The following RTL4 variants were observed in gnomAD, a reference collection of about 807,000 sequenced individuals.
RTL4 encodes retrotransposon Gag like 4, also known as retrotransposon Gag-like protein 4.
A neutral mutation model predicts 5.3 loss-of-function variants in RTL4; 4 were observed. The ratio of observed to expected loss-of-function variants is 0.75; its 90% CI spans 0.37 to 1.72. The LOEUF (loss-of-function observed/expected upper bound fraction) is 1.72. Among genes scored for constraint, RTL4 ranks in the 40% most tolerant of loss-of-function variants. The pLI is 0.04. For synonymous variants in RTL4, 98 were observed against 87.3 expected (o/e 1.12, Z -0.68); for missense variants, 260 against 227.1 (o/e 1.14, Z -0.93).
the RTL4 span, among the ~76,000 whole-genome samples, chrX:112,110,539 A>T: frequency 9.0e-6 from 1 of 111,715 alleles, no homozygotes; most frequent in Admixed American, 9.5e-5. Context: ...AGAACTTAGG[A>T]TAATACATGT....
At chrX:112,181,458 G>A in the RTL4 span, among the ~76,000 whole-genome samples, 1 of 111,865 alleles carries the variant, frequency 8.9e-6, no homozygotes, top group African/African-American at 3.2e-5. Context: ...CAGCACAGCA[G>A]TCTGAAGTCA....
chrX:112,303,657 A>T, the RTL4 span, among the ~76,000 whole-genome samples: 1 of 94,387 alleles, frequency 1.1e-5, no homozygotes, highest in Admixed American at 1.2e-4. Flanking sequence ...ACCTAATGCT[A>T]AATGATGAGT....
At chrX:112,141,347 CAT>C in the RTL4 span, among the ~76,000 whole-genome samples, 1 of 111,796 alleles carries the variant, frequency 8.9e-6, no homozygotes, top group Non-Finnish European at 1.9e-5. Flanking sequence ...ATATTTTCTA[CAT>C]GTTATCCACA....
At chrX:112,329,415 T>C in the RTL4 span, among the ~76,000 whole-genome samples, 1 of 111,109 alleles carries the variant, frequency 9.0e-6, no homozygotes. Flanking sequence ...CTAGAAGAAA[T>C]GGATAAATTC....
At chrX:112,279,403 A>G in the RTL4 span, among the ~76,000 whole-genome samples, 1 of 111,938 alleles carries the variant, frequency 8.9e-6, no homozygotes. Flanking sequence ...AAAACAAAAG[A>G]AAATGGAGCC....
At chrX:112,179,497 T>C in the RTL4 span, among the ~76,000 whole-genome samples, 4 of 112,151 alleles carry the variant, frequency 3.6e-5, no homozygotes, top group East Asian at 1.1e-3. Context: ...GTATGTCAGG[T>C]AGGACAAGCC....
chrX:112,329,494 C>A, the RTL4 span, among the ~76,000 whole-genome samples: 7 of 110,894 alleles, frequency 6.3e-5, no homozygotes, highest in East Asian at 5.7e-4. Context: ...CAATAACAGG[C>A]TCTGAAATTG....
At chrX:112,249,322 T>A in the RTL4 span, among the ~76,000 whole-genome samples, 171 of 111,749 alleles carry the variant, frequency 1.5e-3, no homozygotes, top group African/African-American at 5.0e-3. Context: ...ACCTTATTCT[T>A]CCATCTGACC....
the RTL4 span, among the ~76,000 whole-genome samples, chrX:112,237,877 G>A: frequency 1.8e-5 from 2 of 111,957 alleles, no homozygotes; most frequent in African/African-American, 3.2e-5. Context: ...CAGTGAGGTT[G>A]AGACATGAGG....
the RTL4 span, among the ~76,000 whole-genome samples, chrX:112,391,450 C>CT: frequency 2.7e-5 from 3 of 111,172 alleles, no homozygotes; most frequent in African/African-American, 9.8e-5. Context: ...GTGGGTGCTC[C>CT]TTTAACTGCA....
At chrX:112,182,542 C>A in the RTL4 span, among the ~76,000 whole-genome samples, 1 of 111,557 alleles carries the variant, frequency 9.0e-6, no homozygotes, top group Non-Finnish European at 1.9e-5. Context: ...GAACCCAAAT[C>A]AATCAAGTGG....
At chrX:112,179,966 C>G in the RTL4 span, among the ~76,000 whole-genome samples, 1 of 111,160 alleles carries the variant, frequency 9.0e-6, no homozygotes, top group Admixed American at 9.6e-5. Context: ...CTTGAATCCA[C>G]AGGTATTGAT....
the RTL4 span, among the ~76,000 whole-genome samples, chrX:112,367,675 T>G: frequency 4.5e-5 from 5 of 111,825 alleles, no homozygotes; most frequent in Non-Finnish European, 9.4e-5. Context: ...GCACTGGGGA[T>G]CCTATGGTAA....
the RTL4 span, among the ~76,000 whole-genome samples, chrX:112,155,342 C>T: frequency 9.0e-6 from 1 of 110,585 alleles, no homozygotes; most frequent in Admixed American, 9.8e-5. Flanking sequence ...TTATTGCTGT[C>T]TTAGGCAATT....
At chrX:112,103,754 TATTA>T in the RTL4 span, among the ~76,000 whole-genome samples, 1 of 110,751 alleles carries the variant, frequency 9.0e-6, no homozygotes, top group Non-Finnish European at 1.9e-5. Context: ...TATTATTATT[TATTA>T]TTTATTTTTA....
At chrX:112,391,935 A>G in the RTL4 span, among the ~76,000 whole-genome samples, 2 of 110,080 alleles carry the variant, frequency 1.8e-5, no homozygotes, top group Non-Finnish European at 3.8e-5. Context: ...CATGTTAGCA[A>G]TTGTTCAGTC....
the RTL4 span, among the ~76,000 whole-genome samples, chrX:112,276,219 C>T: frequency 3.6e-5 from 4 of 111,480 alleles, no homozygotes; most frequent in South Asian, 1.1e-3. Flanking sequence ...TAAATTTAAT[C>T]GTTTTTGCTT....
chrX:112,231,158 C>T, the RTL4 span, among the ~76,000 whole-genome samples: 304 of 111,197 alleles, frequency 2.7e-3, no homozygotes, highest in African/African-American at 8.9e-3. Flanking sequence ...TTGTGGAAGT[C>T]GGTGTGGTGA....
the RTL4 span, among the ~76,000 whole-genome samples, chrX:112,283,514 C>T: frequency 9.0e-6 from 1 of 110,883 alleles, no homozygotes; most frequent in Non-Finnish European, 1.9e-5. Context: ...CCCAAACTAC[C>T]CCGCAGGGTT....
Sources: allele counts gnomAD v4.1 joint callset (sites outside exome capture counted in the v4.1 genomes callset), GRCh38; gene constraint gnomAD v4.1.1; transcripts MANE v1.5; gene names NCBI Gene and HGNC (gene_info 2026-07-23, HGNC 2026-07-21).